R3HDM2: variants seen among roughly 807,000 people sequenced by gnomAD.
R3HDM2 encodes R3H domain-containing protein 2.
In R3HDM2, 38 loss-of-function variants were observed where a neutral mutation model predicts 124.5. That is an observed-to-expected ratio of 0.31 (90% CI 0.24 to 0.40). R3HDM2 has a LOEUF of 0.40. Among genes scored for constraint, R3HDM2 ranks in the 10% least tolerant of loss-of-function variants. The pLI is 1.00. For synonymous variants in R3HDM2, 391 were observed against 448.0 expected (o/e 0.87, Z 1.61); for missense variants, 869 against 1,236.9 (o/e 0.70, Z 4.46).
intron 2 of R3HDM2, among the ~76,000 whole-genome samples, chr12:57,330,037 G>T (rs1178280750): frequency 2.0e-5 from 3 of 152,050 alleles, no homozygotes; most frequent in Non-Finnish European, 4.4e-5. Context: ...TGCGATCTCG[G>T]CTCACCGCAA....
intron 3 of R3HDM2, 78 bp downstream of exon 3, chr12:57,310,186 G>A (rs2139066460): frequency 2.8e-6 from 3 of 1,085,954 alleles, no homozygotes; most frequent in African/African-American, 1.7e-5. Context: ...CTCCAGGTTG[G>A]GTAACAGACA....
At chr12:57,416,438 A>C (rs1249328797) in intron 1 of R3HDM2, among the ~76,000 whole-genome samples, 1 of 152,222 alleles carries the variant, frequency 6.6e-6, no homozygotes, top group Non-Finnish European at 1.5e-5. Flanking sequence ...AAAGAACAAG[A>C]AGCAACATTA....
intron 2 of R3HDM2, among the ~76,000 whole-genome samples, chr12:57,368,681 T>C (rs983953138): frequency 8.5e-5 from 13 of 152,146 alleles, no homozygotes; most frequent in African/African-American, 3.1e-4. Context: ...AGTTACACTA[T>C]CCATGACTCC....
intron 1 of R3HDM2, among the ~76,000 whole-genome samples, chr12:57,402,321 C>A (rs2068115182): frequency 6.6e-6 from 1 of 151,870 alleles, no homozygotes; most frequent in South Asian, 2.1e-4. Flanking sequence ...CATACATATC[C>A]CACAATACTC....
At chr12:57,303,048 T>C (rs1481009234) in intron 4 of R3HDM2, 128 bp downstream of exon 4, 3 of 814,114 alleles carry the variant, frequency 3.7e-6, no homozygotes, top group African/African-American at 1.7e-5. Flanking sequence ...GGTTCACAAT[T>C]GGGGTACAGA....
At chr12:57,285,365 G>A (rs2047084998) in intron 12 of R3HDM2, among the ~76,000 whole-genome samples, 1 of 152,022 alleles carries the variant, frequency 6.6e-6, no homozygotes, top group South Asian at 2.1e-4. Flanking sequence ...AGCCAATCAC[G>A]ATGAGCTAAG....
intron 14 of R3HDM2, among the ~76,000 whole-genome samples, chr12:57,278,755 G>C (rs2045446630): frequency 6.6e-6 from 1 of 152,178 alleles, no homozygotes; most frequent in Non-Finnish European, 1.5e-5. Context: ...GACTAAGATA[G>C]AGGACTGCAA....
At chr12:57,405,158 G>T (rs566710536) in intron 1 of R3HDM2, among the ~76,000 whole-genome samples, 1 of 152,086 alleles carries the variant, frequency 6.6e-6, no homozygotes, top group South Asian at 2.1e-4. Flanking sequence ...CTCCCAAGCA[G>T]CTAGGACTAC....
chr12:57,339,068 T>G (rs1046679027), intron 2 of R3HDM2, among the ~76,000 whole-genome samples: 1 of 151,942 alleles, frequency 6.6e-6, no homozygotes, highest in African/African-American at 2.4e-5. Context: ...CTTGCTCCGT[T>G]GCCCAGGCTG....
intron 1 of R3HDM2, among the ~76,000 whole-genome samples, chr12:57,408,899 T>C (rs1363596508): frequency 6.6e-6 from 1 of 152,056 alleles, no homozygotes; most frequent in Non-Finnish European, 1.5e-5. Context: ...ATGAATTTTG[T>C]ATACTAATCT....
chr12:57,371,083 C>CTTTTTTTTTTTTTTTTTTTTT (rs775839017), intron 2 of R3HDM2, among the ~76,000 whole-genome samples: 2 of 40,898 alleles, frequency 4.9e-5, no homozygotes, highest in African/African-American at 1.7e-4. Context: ...TATACCATTA[C>CTTTTTTTTTTTTTTTTTTTTT]TTTTTTTTTT....
intron 2 of R3HDM2, among the ~76,000 whole-genome samples, chr12:57,312,305 ATT>A (rs201583405): frequency 3.2e-4 from 42 of 132,960 alleles, no homozygotes; most frequent in Middle Eastern, 3.7e-3. Flanking sequence ...CTGCTTTGTG[ATT>A]TTTTTTTTTT....
rs545465709 is a variant in R3HDM2, at chr12:57,364,730, G to A, written c.-36+31019C>T. Among the ~76,000 whole-genome samples the A allele has an allele frequency of 6.6e-5, 10 of 151,690 alleles. No homozygotes were observed. In the South Asian group the frequency reaches 1.0e-3, roughly 16 times the overall value. ...AGCACTTTGGGAGGCCGAGGCGGGC[G>A]GATCATGAGGTCAGGAGTTCGAGAC... On this transcript the variant is annotated intron_variant, in intron 2 of 23. Transcript: ENST00000402412.
chr12:57,299,466 A>G lies in R3HDM2; in HGVS notation c.307T>C (p.Leu103=), dbSNP rs1050617485. The G allele has an allele frequency of 5.2e-6, 8 of 1,546,470 alleles. No homozygotes were observed. The highest frequency in any genetic ancestry group is 2.7e-5 in the African/African-American group (2 of 73,038). ...GPLETQDIIQ[L]HISCPSDKEE... ...TTGTCAGAAGGGCAACTGATGTGCA[A>G]TTGAATTATATCCTTAAGGGGAAAA... The change falls in exon 6 of 24, where the codon TTG becomes CTG. Residue 103 remains leucine (L), a synonymous_variant. Transcript: ENST00000402412.
chr12:57,380,742 T>C (rs370385738), intron 2 of R3HDM2, among the ~76,000 whole-genome samples: 82 of 151,768 alleles, frequency 5.4e-4, no homozygotes, highest in African/African-American at 1.9e-3. Flanking sequence ...ACACAAATCT[T>C]CTCTGAACAA....
intron 1 of R3HDM2, among the ~76,000 whole-genome samples, chr12:57,427,870 C>T (rs1182795176): frequency 2.0e-5 from 3 of 151,846 alleles, no homozygotes; most frequent in African/African-American, 7.3e-5. Context: ...TGGGATTACA[C>T]TTTGGGAGGT....
At chr12:57,394,791 A>C (rs916580778) in intron 2 of R3HDM2, among the ~76,000 whole-genome samples, 19 of 152,248 alleles carry the variant, frequency 1.2e-4, no homozygotes, top group African/African-American at 4.6e-4. Context: ...GGAAGAAATC[A>C]TGAGATTTCT....
intron 2 of R3HDM2, among the ~76,000 whole-genome samples, chr12:57,326,387 G>C (rs757410224): frequency 6.6e-6 from 1 of 152,204 alleles, no homozygotes; most frequent in Non-Finnish European, 1.5e-5. Flanking sequence ...GAATGCAAAG[G>C]AAAAGTTCTT....
chr12:57,257,683 G>T (rs2039469805), intron 21 of R3HDM2, among the ~76,000 whole-genome samples: 1 of 152,120 alleles, frequency 6.6e-6, no homozygotes, highest in African/African-American at 2.4e-5. Flanking sequence ...CTCAGACTTG[G>T]TACTGATATT....
Sources: gnomAD v4.1 joint callset for allele counts (sites outside exome capture counted in the v4.1 genomes callset) on GRCh38, gnomAD v4.1.1 for gene constraint, MANE v1.5 for transcripts, NCBI Gene and HGNC (gene_info 2026-07-23, HGNC 2026-07-21) for gene names.